The following PDZRN3 variants were observed in gnomAD, a reference collection of about 807,000 sequenced individuals.
PDZRN3 encodes the protein PDZ domain containing ring finger 3, also known as E3 ubiquitin-protein ligase PDZRN3.
Under a neutral mutation model 85.7 loss-of-function variants are expected in PDZRN3, and 38 were observed. The ratio of observed to expected loss-of-function variants is 0.44; its 90% confidence interval spans 0.34 to 0.58. The LOEUF is 0.58. PDZRN3 is among the 20% of genes least tolerant of loss of function. The pLI is 0.01. For synonymous variants in PDZRN3, 759 were observed against 638.0 expected (o/e 1.19, Z -2.86); for missense variants, 1,629 against 1,506.4 (o/e 1.08, Z -1.35).
chr3:73,384,374 G>C lies in PDZRN3; in HGVS notation c.2192C>G (p.Thr731Ser). Residue 731 changes from threonine to serine, a missense_variant, in exon 10 of 10, where the codon ACC becomes AGC. Coordinates refer to ENST00000263666, the MANE Select transcript of PDZRN3 (RefSeq NM_015009.3). ...CTCGTGTCTGCGCACGTCGATGCTG[G>C]TGTTGTAGTTGCGGAAGCCGCTGTT... is the stretch of plus-strand genomic sequence containing the variant. ...LHNSGFRNYN[T>S]SIDVRRHELS... 6.2e-7 allele frequency: 1 copy of C among 1,609,544 alleles called. No homozygotes were observed.
chr3:73,570,254 TA>T (rs1702026272), intron 3 of PDZRN3, among the ~76,000 whole-genome samples: 1 of 152,046 alleles, frequency 6.6e-6, no homozygotes, highest in African/African-American at 2.4e-5. Context: ...AAAAAACAAA[TA>T]AATGAATGAC....
At chr3:73,442,291 TC>T (rs1297285072) in intron 3 of PDZRN3, among the ~76,000 whole-genome samples, 2 of 152,148 alleles carry the variant, frequency 1.3e-5, no homozygotes, top group Non-Finnish European at 2.9e-5. Context: ...GGGGAGGGCA[TC>T]AGGCCAGGAT....
At chr3:73,485,953 G>T (rs1365097795) in intron 3 of PDZRN3, among the ~76,000 whole-genome samples, 1 of 152,200 alleles carries the variant, frequency 6.6e-6, no homozygotes, top group Non-Finnish European at 1.5e-5. Flanking sequence ...ATGATTGCAC[G>T]TGACTTGCTG....
intron 3 of PDZRN3, among the ~76,000 whole-genome samples, chr3:73,568,230 C>G (rs1701982897): frequency 6.6e-6 from 1 of 152,178 alleles, no homozygotes; most frequent in Non-Finnish European, 1.5e-5. Context: ...ACTAACCTGT[C>G]TATCTCCCCA....
intron 3 of PDZRN3, among the ~76,000 whole-genome samples, chr3:73,526,702 T>C (rs149924824): frequency 6.6e-6 from 1 of 152,256 alleles, no homozygotes; most frequent in Non-Finnish European, 1.5e-5. Flanking sequence ...TTGTTATTGT[T>C]TTTTCCAGAC....
chr3:73,475,009 TA>T (rs2106893559), intron 3 of PDZRN3, among the ~76,000 whole-genome samples: 2 of 152,232 alleles, frequency 1.3e-5, no homozygotes, highest in East Asian at 3.9e-4. Context: ...AGTACTTAGA[TA>T]AGTTAATATT....
At chr3:73,604,055 G>C (rs183520901) in intron 2 of PDZRN3, among the ~76,000 whole-genome samples, 2 of 152,310 alleles carry the variant, frequency 1.3e-5, no homozygotes, top group East Asian at 3.9e-4. Context: ...TCCAAGAGAA[G>C]GGTCAGGGAG....
intron 6 of PDZRN3, 70 bp downstream of exon 6, chr3:73,390,948 G>T: frequency 3.4e-6 from 3 of 894,126 alleles, no homozygotes; most frequent in South Asian, 1.4e-5. Context: ...GGTTAGGGTT[G>T]GTGAACATGA....
rs530819986 is a variant in PDZRN3 at position 73,424,616 on chromosome 3, A to T, written c.919-20221T>A. 7.6e-4 allele frequency among the ~76,000 whole-genome samples: 116 copies of T among 151,990 alleles called. 1 individual carries two copies. The highest frequency in any genetic ancestry group is 3.4e-3 in the Middle Eastern group (1 of 294). On this transcript the variant is annotated intron_variant, in intron 3 of 9. Coordinates refer to ENST00000263666, the MANE Select transcript of PDZRN3 (RefSeq NM_015009.3). The stretch of plus-strand genomic sequence containing the variant: ...GGGAAATGTTTACAACACTTACATC[A>T]GAGGGGTTGGTATCCAGACTATGTT...
At chr3:73,392,993 CCT>C (rs1194725821) in intron 5 of PDZRN3, among the ~76,000 whole-genome samples, 2 of 152,066 alleles carry the variant, frequency 1.3e-5, no homozygotes, top group Admixed American at 6.6e-5. Context: ...AACACATCCC[CCT>C]GTCTCTCTTA....
At chr3:73,515,261 C>T (rs745732307) in intron 3 of PDZRN3, among the ~76,000 whole-genome samples, 7 of 150,962 alleles carry the variant, frequency 4.6e-5, no homozygotes, top group African/African-American at 1.7e-4. Context: ...CTGCAAGCTC[C>T]GCCTCCCAGG....
In PDZRN3 at chr3:73,496,020, A is replaced by C. The variant is rs1438457365; in HGVS notation, c.919-91625T>G. Among the ~76,000 whole-genome samples, 2 of 151,880 alleles carry C rather than the reference A, an allele frequency of 1.3e-5. 1 individual carries two copies. Among genetic ancestry groups the C allele is most frequent in the Non-Finnish European group, 2.9e-5 (2 of 67,950 alleles). On this transcript the variant is annotated intron_variant, in intron 3 of 9. Transcript: ENST00000263666. Reference sequence around the variant, plus strand: ...ATATCTGTTCTTAATTGATGTGTTAATTATAAGGATTATCTGTTCATCAAA... The same window carrying C: ...ATATCTGTTCTTAATTGATGTGTTACTTATAAGGATTATCTGTTCATCAAA...
At chr3:73,563,002 TATATATATA>T (rs1460378947) in intron 3 of PDZRN3, among the ~76,000 whole-genome samples, 4 of 35,976 alleles carry the variant, frequency 1.1e-4, no homozygotes, top group Admixed American at 7.3e-4. Flanking sequence ...TATATATATA[TATATATATA>T]TATTTTTTTT....
intron 3 of PDZRN3, among the ~76,000 whole-genome samples, chr3:73,418,427 G>A (rs1203860818): frequency 6.6e-6 from 1 of 152,202 alleles, no homozygotes; most frequent in Non-Finnish European, 1.5e-5. Context: ...ACTTGCATCT[G>A]AAGAAACTAC....
chr3:73,548,086 G>T (rs186592302), intron 3 of PDZRN3, among the ~76,000 whole-genome samples: 3 of 152,168 alleles, frequency 2.0e-5, no homozygotes, highest in African/African-American at 7.2e-5. Context: ...ATGTTAAAGC[G>T]GGGGAAGCTT....
In PDZRN3 at chr3:73,384,424, C is replaced by T. The variant is rs1197360894; in HGVS notation, c.2142G>A (p.Gln714=). Residue 714 remains glutamine (Q), a synonymous_variant, in exon 10 of 10, where the codon CAG becomes CAA. Transcript: ENST00000263666. ...RAHKMQQLKE[Q]YRESWMLHNS... is the part of the protein sequence containing the mutation. ...TGTGCAGCATCCAGGACTCGCGGTACTGCTCCTTGAGCTGCTGCATCTTGT... is the reference window on the plus strand; with the variant it reads ...TGTGCAGCATCCAGGACTCGCGGTATTGCTCCTTGAGCTGCTGCATCTTGT... 1 of 1,611,012 alleles carries T rather than the reference C, an allele frequency of 6.2e-7. No individual in the cohort carries two copies. The highest frequency in any genetic ancestry group is 8.5e-7 in the Non-Finnish European group (1 of 1,180,008).
chr3:73,510,787 G>A (rs953698738), intron 3 of PDZRN3, among the ~76,000 whole-genome samples: 2 of 152,230 alleles, frequency 1.3e-5, no homozygotes, highest in Admixed American at 1.3e-4. Flanking sequence ...ATATGATAAA[G>A]TTTAATTTAT....
chr3:73,595,626 T>A (rs1459349008), intron 3 of PDZRN3, among the ~76,000 whole-genome samples: 1 of 152,204 alleles, frequency 6.6e-6, no homozygotes, highest in Non-Finnish European at 1.5e-5. Flanking sequence ...TAAAACACTT[T>A]AAACAATTTT....
At chr3:73,506,245 C>A (rs541778228) in intron 3 of PDZRN3, among the ~76,000 whole-genome samples, 18 of 152,272 alleles carry the variant, frequency 1.2e-4, no homozygotes, top group South Asian at 8.3e-4. Context: ...TTGCAACGTC[C>A]GTTTCTGAAG....
Sources: gnomAD v4.1 joint callset for allele counts (sites outside exome capture counted in the v4.1 genomes callset) on GRCh38, gnomAD v4.1.1 for gene constraint, MANE v1.5 for transcripts, NCBI Gene and HGNC (gene_info 2026-07-23, HGNC 2026-07-21) for gene names.